The following PTPA variants were observed in gnomAD, a reference collection of about 807,000 sequenced individuals.
PTPA encodes the protein protein phosphatase 2 phosphatase activator, also known as serine/threonine-protein phosphatase 2A activator.
Under a neutral mutation model 43.6 loss-of-function variants are expected in PTPA, and 13 were observed. The observed-to-expected ratio is 0.30, with a 90% CI of 0.19 to 0.47. The LOEUF is 0.47. PTPA is among the 20% of genes least tolerant of loss of function. The pLI is 0.99. For missense variants in PTPA, 329 were observed against 411.9 expected, an observed-to-expected ratio of 0.80 and a Z score of 1.74; for synonymous variants, 172 against 158.2, an observed-to-expected ratio of 1.09 and a Z score of -0.66.
intron 1 of PTPA, among the ~76,000 whole-genome samples, chr9:129,112,532 A>C (rs1451416550): frequency 6.6e-6 from 1 of 152,170 alleles, no homozygotes; most frequent in Non-Finnish European, 1.5e-5. Flanking sequence ...AAATCAGAAA[A>C]GGCATCCCCT....
At chr9:129,146,839 TC>T (rs1162287188) in intron 9 of PTPA, among the ~76,000 whole-genome samples, 4 of 152,148 alleles carry the variant, frequency 2.6e-5, no homozygotes, top group African/African-American at 9.7e-5. Context: ...GCGCTCTTTT[TC>T]CCCTGCCCCC....
intron 3 of PTPA, among the ~76,000 whole-genome samples, chr9:129,124,215 T>A (rs532924873): frequency 4.2e-4 from 64 of 152,186 alleles, no homozygotes; most frequent in African/African-American, 8.4e-4. Context: ...ATTTTATTTT[T>A]TTTTTAAATA....
chr9:129,131,711 T>C, intron 5 of PTPA, 72 bp downstream of exon 5: 1 of 1,418,474 alleles, frequency 7.0e-7, no homozygotes, highest in Non-Finnish European at 9.9e-7. Flanking sequence ...AGGTGGTCTC[T>C]GGGCCCTCTG....
intron 3 of PTPA, among the ~76,000 whole-genome samples, chr9:129,126,978 T>C (rs191438793): frequency 9.9e-5 from 15 of 152,282 alleles, no homozygotes; most frequent in Admixed American, 9.2e-4. Context: ...TAGTGCTTCC[T>C]GGGGCCAAGA....
chr9:129,111,361 C>T (rs1848462614), upstream of PTPA: 4 of 1,198,934 alleles, frequency 3.3e-6, no homozygotes, highest in African/African-American at 1.6e-5. Context: ...TCGCCCGGTT[C>T]CGCGCGTCCG....
intron 8 of PTPA, among the ~76,000 whole-genome samples, chr9:129,140,814 G>T (rs13286798): frequency 6.7e-6 from 1 of 148,962 alleles, no homozygotes; most frequent in African/African-American, 2.5e-5. Context: ...GGAGGTGGGG[G>T]AGGGGCTGGG....
At chr9:129,146,046 C>A (rs751971958) in intron 9 of PTPA, among the ~76,000 whole-genome samples, 7 of 144,972 alleles carry the variant, frequency 4.8e-5, no homozygotes, top group Non-Finnish European at 9.0e-5. Flanking sequence ...CTTGCAACTT[C>A]TTCTATGGGA....
At chr9:129,133,313 A>G (rs1027881942) in intron 5 of PTPA, among the ~76,000 whole-genome samples, 1 of 152,192 alleles carries the variant, frequency 6.6e-6, no homozygotes, top group Non-Finnish European at 1.5e-5. Flanking sequence ...GCTTTGACTA[A>G]GACCAGCAGG....
chr9:129,143,777 G>T, intron 9 of PTPA: 1 of 217,580 alleles, frequency 4.6e-6, no homozygotes, highest in Non-Finnish European at 9.5e-6. Flanking sequence ...GGTTCCTTCC[G>T]GCTGCAGCTG....
rs180823195 is a variant in PTPA, at chr9:129,141,351, C to T, written c.787-1094C>T. Among the ~76,000 whole-genome samples the T allele has an allele frequency of 3.9e-5, 6 of 152,162 alleles. No individual in the cohort carries two copies. The South Asian group carries it at 8.3e-4, about 21-fold the overall frequency. ...TCCTTCAAAAAATAACCCAGTCTCCCCTGACACCCGCATGTTTCTAGAACC... is the reference window on the plus strand; with the variant it reads ...TCCTTCAAAAAATAACCCAGTCTCCTCTGACACCCGCATGTTTCTAGAACC... On this transcript the variant is annotated intron_variant, in intron 8 of 9. Coordinates refer to ENST00000393370, the MANE Select transcript of PTPA (RefSeq NM_178000.3).
chr9:129,138,611 C>A (rs1850543098), intron 8 of PTPA, among the ~76,000 whole-genome samples: 2 of 152,168 alleles, frequency 1.3e-5, no homozygotes, highest in African/African-American at 4.8e-5. Context: ...TTCCCGACAC[C>A]AGCACGGATG....
chr9:129,117,993 C>T (rs116088634), intron 1 of PTPA, among the ~76,000 whole-genome samples: 1,831 of 152,052 alleles, frequency 0.012, 49 homozygotes, highest in East Asian at 0.11. Flanking sequence ...GTCACCATGC[C>T]GGACCTGGGC....
rs1468706559 is a variant in PTPA, at chr9:129,136,468, C to T, written c.561-3C>T. 2.5e-6 allele frequency: 4 copies of T among 1,611,212 alleles called. No individual in the cohort carries two copies. Among genetic ancestry groups the T allele is most frequent in the Admixed American group, 1.7e-5 (1 of 59,602 alleles). On this transcript the variant is annotated splice_polypyrimidine_tract_variant and splice_region_variant and intron_variant, in intron 6 of 9. Transcript: ENST00000393370. ...CCTTCCCTTTCCCTGTCCTCCTGTG[C>T]AGGTACCTTGAGGTTATGCGGAAAC...
At position 129,147,685 on chromosome 9, in the gene PTPA, C is replaced by T. The variant is rs890793329; in HGVS notation, c.*221C>T. Reference sequence around the variant, plus strand: ...AAGTGTAGCCAGTTTTCTGAGTTCCCGTGTGCTAGACTGGCCAGAAGAGAG... The same window carrying T: ...AAGTGTAGCCAGTTTTCTGAGTTCCTGTGTGCTAGACTGGCCAGAAGAGAG... On this transcript the variant is annotated 3_prime_UTR_variant, in exon 10 of 10. Transcript: ENST00000393370. The T allele has an allele frequency of 1.6e-5, 9 of 547,652 alleles. No individual in the cohort carries two copies. The highest frequency in any genetic ancestry group is 1.1e-4 in the African/African-American group (6 of 52,592). The allele number at this position is 547,652 out of a possible 1,614,324, so 33.9% of individuals were successfully genotyped here.
Position 129,111,885 on chromosome 9 carries a change from C to T in PTPA, c.31+254C>T, listed in dbSNP as rs17508715. 1,191 of 948,560 alleles carry T rather than the reference C, an allele frequency of 1.3e-3. 7 individuals are homozygous for T. The African/African-American group carries it at 0.018, about 14-fold the overall frequency. 58.8% of individuals were successfully genotyped at this position (948,560 alleles called of 1,614,324 possible). ...TGGGTTTTGTGGGAGTCCAGGCTGC[C>T]CGAATGCTGGGTGGGCAGCGCCGTG... On this transcript the variant is annotated intron_variant, in intron 1 of 9. Transcript: ENST00000393370.
chr9:129,131,505 G>C lies in PTPA; in HGVS notation c.343-17G>C. On this transcript the variant is annotated splice_polypyrimidine_tract_variant and intron_variant, in intron 4 of 9. Transcript: ENST00000393370. The stretch of plus-strand genomic sequence containing the variant: ...GCTTAATATGCTGCCACCACTTTGT[G>C]TCTCTTGTGTTACCAGGAAGCAGAA... The C allele has an allele frequency of 3.7e-6, 6 of 1,610,142 alleles. No individual in the cohort carries two copies. The highest frequency in any genetic ancestry group is 5.1e-6 in the Non-Finnish European group (6 of 1,177,424).
At chr9:129,127,520 G>C (rs887640242) in intron 3 of PTPA, among the ~76,000 whole-genome samples, 1 of 152,244 alleles carries the variant, frequency 6.6e-6, no homozygotes, top group African/African-American at 2.4e-5. Flanking sequence ...AATGGCTGCA[G>C]ATAGCCTCCG....
chr9:129,131,475 A>G, intron 4 of PTPA, 47 bp from the exon 5 acceptor site: 1 of 1,569,560 alleles, frequency 6.4e-7, no homozygotes, highest in Non-Finnish European at 8.8e-7. Context: ...GCCCACTGGG[A>G]TGCTGCTTAA....
chr9:129,143,464 G>T (rs1175804542), intron 9 of PTPA: 2 of 702,632 alleles, frequency 2.8e-6, no homozygotes, highest in African/African-American at 3.5e-5. Context: ...CTGGGAAGGG[G>T]CTGCTCCAGG....
Sources: allele counts gnomAD v4.1 joint callset (sites outside exome capture counted in the v4.1 genomes callset), GRCh38; gene constraint gnomAD v4.1.1; transcripts MANE v1.5; gene names NCBI Gene and HGNC (gene_info 2026-07-23, HGNC 2026-07-21).